BANK1: variants seen among roughly 807,000 people sequenced by gnomAD.
The protein encoded by BANK1 is B cell scaffold protein with ankyrin repeats 1, also known as B-cell scaffold protein with ankyrin repeats.
In BANK1, 95 loss-of-function variants were observed where a neutral mutation model predicts 94.5. That is an observed-to-expected ratio of 1.00 (90% CI 0.85 to 1.19). The LOEUF (loss-of-function observed/expected upper bound fraction) is 1.19, where lower values mean the gene tolerates loss of function less well. Among genes scored for constraint, BANK1 ranks in the 50% most tolerant of loss-of-function variants. BANK1 has a pLI of 0.00. For synonymous variants in BANK1, 334 were observed against 308.4 expected, an observed-to-expected ratio of 1.08 and a Z score of -0.87; for missense variants, 987 against 932.2, an observed-to-expected ratio of 1.06 and a Z score of -0.77.
At chr4:101,830,251 T>A in intron 2 of BANK1, 45 bp downstream of exon 2, 1 of 1,425,716 alleles carries the variant, frequency 7.0e-7, no homozygotes. Context: ...TTTGTTTTTT[T>A]TTTTTTGTAA....
chr4:102,063,314 T>A (rs1157824354), intron 13 of BANK1, among the ~76,000 whole-genome samples, 176 bp downstream of exon 13: 1 of 152,124 alleles, frequency 6.6e-6, no homozygotes, highest in Non-Finnish European at 1.5e-5. Context: ...AATATGCATC[T>A]ATAATTATAT....
At chr4:101,889,551 T>C (rs921393550) in intron 5 of BANK1, among the ~76,000 whole-genome samples, 11 of 141,854 alleles carry the variant, frequency 7.8e-5, no homozygotes, top group Non-Finnish European at 1.3e-4. Flanking sequence ...TGAGCCGAGA[T>C]TGCGCCACTG....
intron 6 of BANK1, among the ~76,000 whole-genome samples, chr4:101,897,190 T>C (rs1037012701): frequency 6.6e-6 from 1 of 151,872 alleles, no homozygotes; most frequent in South Asian, 2.1e-4. Flanking sequence ...AGGGAACCAA[T>C]GAAGACAGAG....
In BANK1 at chr4:101,810,524, T is replaced by C. The variant is rs142658643; in HGVS notation, c.71-19284T>C. ...TAAAGTGTGAAGAACATATCAATGT[T>C]ACCCTTAGGTAGTCATCTTTGGCAA... is the stretch of plus-strand genomic sequence containing the variant. On this transcript the variant is annotated intron_variant, in intron 1 of 16. Transcript: ENST00000322953. 2.2e-4 allele frequency among the ~76,000 whole-genome samples: 34 copies of C among 152,348 alleles called. No individual in the cohort carries two copies. The East Asian group carries it at 6.2e-3, about 28-fold the overall frequency.
At chr4:102,055,590 G>T (rs1728200718) in intron 11 of BANK1, among the ~76,000 whole-genome samples, 1 of 151,934 alleles carries the variant, frequency 6.6e-6, no homozygotes, top group Non-Finnish European at 1.5e-5. Context: ...CAGAAAACCT[G>T]AAAACATCAA....
intron 2 of BANK1, 133 bp downstream of exon 2, chr4:101,830,339 C>A (rs1726569318): frequency 1.4e-6 from 1 of 710,882 alleles, no homozygotes; most frequent in African/African-American, 1.8e-5. Context: ...TGATTTTATT[C>A]AACAGTATGT....
intron 2 of BANK1, among the ~76,000 whole-genome samples, chr4:101,844,608 G>C (rs990009015): frequency 1.3e-5 from 2 of 152,240 alleles, no homozygotes; most frequent in African/African-American, 4.8e-5. Flanking sequence ...GAGTCAGACA[G>C]ACCTGGGTTT....
At chr4:101,911,233 C>T (rs1044416287) in intron 6 of BANK1, among the ~76,000 whole-genome samples, 5 of 151,964 alleles carry the variant, frequency 3.3e-5, no homozygotes, top group African/African-American at 9.7e-5. Context: ...AGCATGAGCT[C>T]GGGGTGTCAT....
At chr4:101,849,621 TA>T (rs986856031) in intron 2 of BANK1, among the ~76,000 whole-genome samples, 5 of 152,190 alleles carry the variant, frequency 3.3e-5, no homozygotes, top group African/African-American at 1.2e-4. Flanking sequence ...ACATACTATA[TA>T]AAAAAATTTA....
rs1451117916 is a variant in BANK1 at position 101,830,182 on chromosome 4, G to A, written c.445G>A (p.Val149Ile). The A allele has an allele frequency of 6.5e-7, 1 of 1,538,950 alleles. No homozygotes were observed. The highest frequency in any genetic ancestry group is 1.3e-5 in the South Asian group (1 of 79,100). Residue 149 changes from valine (V) to isoleucine (I), a missense_variant, in exon 2 of 17, where the codon GTA becomes ATA. Transcript: ENST00000322953. ...ACAGGAACCTGAAGACTACATCTCT[G>A]TAATCCAGAGTATCATATTCAAAGG... Reference protein sequence around the residue: ...TEQEPEDYISVIQSIIFKDSE... With the variant: ...TEQEPEDYISIIQSIIFKDSE...
At chr4:101,902,567 T>G (rs997107142) in intron 6 of BANK1, among the ~76,000 whole-genome samples, 3 of 152,234 alleles carry the variant, frequency 2.0e-5, no homozygotes, top group Non-Finnish European at 2.9e-5. Context: ...GTTTATTCCC[T>G]TTTTACTTTC....
rs1369344659 is a variant in BANK1 at position 102,014,142 on chromosome 4, A to G, written c.1207-7372A>G. On this transcript the variant is annotated intron_variant, in intron 7 of 16. Coordinates refer to ENST00000322953, the MANE Select transcript of BANK1 (RefSeq NM_017935.5). ...CAACCTAAAGATGTTTAAATGGGAT[A>G]TTTAACAGCAATATCAGTTATGATT... 2.0e-5 allele frequency among the ~76,000 whole-genome samples: 3 copies of G among 152,148 alleles called. No individual in the cohort carries two copies. The East Asian group carries it at 5.8e-4, about 29-fold the overall frequency.
chr4:101,791,103 GC>G (rs1724967757), intron 1 of BANK1, among the ~76,000 whole-genome samples, 153 bp downstream of exon 1: 1 of 152,208 alleles, frequency 6.6e-6, no homozygotes, highest in Non-Finnish European at 1.5e-5. Context: ...CCGCCAGGCA[GC>G]CCAGAGGGTT....
At chr4:101,963,069 T>C (rs1359805347) in intron 7 of BANK1, among the ~76,000 whole-genome samples, 1 of 152,174 alleles carries the variant, frequency 6.6e-6, no homozygotes, top group African/African-American at 2.4e-5. Context: ...ATGATGATTT[T>C]TTAATTGTTT....
At chr4:101,992,867 C>A (rs544065097) in intron 7 of BANK1, among the ~76,000 whole-genome samples, 1 of 152,144 alleles carries the variant, frequency 6.6e-6, no homozygotes, top group African/African-American at 2.4e-5. Context: ...ACTTAAGAAG[C>A]ACCACCACCA....
At chr4:102,046,469 A>G (rs1296777842) in intron 11 of BANK1, among the ~76,000 whole-genome samples, 1 of 152,116 alleles carries the variant, frequency 6.6e-6, no homozygotes, top group Non-Finnish European at 1.5e-5. Flanking sequence ...CAAGTAAGAA[A>G]AATTATCTAA....
At chr4:101,849,955 G>T (rs1727409442) in intron 2 of BANK1, among the ~76,000 whole-genome samples, 1 of 152,102 alleles carries the variant, frequency 6.6e-6, no homozygotes, top group Non-Finnish European at 1.5e-5. Context: ...TTAGAAAAGT[G>T]TTAGAAGAGG....
intron 13 of BANK1, among the ~76,000 whole-genome samples, chr4:102,070,427 C>T (rs1488682603): frequency 6.6e-6 from 1 of 152,196 alleles, no homozygotes; most frequent in Non-Finnish European, 1.5e-5. Flanking sequence ...GAAGGTCATA[C>T]TCCACCATTT....
chr4:101,985,456 G>A lies in BANK1; in HGVS notation c.1207-36058G>A, dbSNP rs150920178. Among the ~76,000 whole-genome samples the A allele has an allele frequency of 1.1e-3, 162 of 151,742 alleles. 1 individual carries two copies. The highest frequency in any genetic ancestry group is 3.9e-3 in the African/African-American group (161 of 41,368). On this transcript the variant is annotated intron_variant, in intron 7 of 16. Coordinates refer to ENST00000322953, the MANE Select transcript of BANK1 (RefSeq NM_017935.5). ...CATAAAATTAACAATCACTAAATCT[G>A]GTTTTTTTTAATTTAGTTTTCAAAA... is the stretch of plus-strand genomic sequence containing the variant.
Sources: allele counts gnomAD v4.1 joint callset (sites outside exome capture counted in the v4.1 genomes callset), GRCh38; gene constraint gnomAD v4.1.1; transcripts MANE v1.5; gene names NCBI Gene and HGNC (gene_info 2026-07-23, HGNC 2026-07-21).